Variants in JADE1 observed in about 807,000 individuals in gnomAD.
JADE1 encodes jade family PHD finger 1, also known as protein Jade-1.
In JADE1, 14 loss-of-function variants were observed where a neutral mutation model predicts 81.8. The observed-to-expected ratio is 0.17, with a 90% CI of 0.11 to 0.27. The LOEUF is 0.27. JADE1 is among the 10% of genes least tolerant of loss of function. The pLI is 1.00. For synonymous variants in JADE1, 353 were observed against 391.9 expected (o/e 0.90, Z 1.17); for missense variants, 690 against 1,047.9 (o/e 0.66, Z 4.71).
chr4:128,836,817 C>T (rs572267710), intron 2 of JADE1, among the ~76,000 whole-genome samples: 8 of 151,326 alleles, frequency 5.3e-5, no homozygotes, highest in African/African-American at 7.3e-5. Context: ...GCTCATTGCC[C>T]GCTCAGCTCA....
chr4:128,826,599 G>A (rs943961094), intron 1 of JADE1, among the ~76,000 whole-genome samples: 3 of 151,150 alleles, frequency 2.0e-5, no homozygotes, highest in African/African-American at 7.3e-5. Context: ...CGAACTCCAG[G>A]CTTCACATAG....
At chr4:128,839,563 C>G (rs192446754) in intron 2 of JADE1, among the ~76,000 whole-genome samples, 15 of 152,310 alleles carry the variant, frequency 9.8e-5, no homozygotes, top group Admixed American at 2.0e-4. Flanking sequence ...TTCCCTCCCA[C>G]TTTTCTCTAG....
At chr4:128,831,478 T>A (rs1728546298) in intron 1 of JADE1, 1 of 481,020 alleles carries the variant, frequency 2.1e-6, no homozygotes, top group African/African-American at 2.0e-5. Flanking sequence ...CACAGGAATA[T>A]AGAAAGAAAC....
intron 10 of JADE1, among the ~76,000 whole-genome samples, chr4:128,868,545 G>C (rs1435026496): frequency 1.3e-5 from 2 of 152,064 alleles, no homozygotes; most frequent in Admixed American, 1.3e-4. Context: ...ATTGCCCTGG[G>C]CTAGGCAAAC....
chr4:128,830,750 C>G (rs1265048747), intron 1 of JADE1, among the ~76,000 whole-genome samples: 1 of 152,162 alleles, frequency 6.6e-6, no homozygotes, highest in African/African-American at 2.4e-5. Context: ...TTTGGAAAAG[C>G]TTTTTGTATT....
intron 6 of JADE1, among the ~76,000 whole-genome samples, chr4:128,855,048 G>A (rs963443023): frequency 1.3e-5 from 2 of 152,122 alleles, no homozygotes; most frequent in Admixed American, 1.3e-4. Flanking sequence ...CACTGGGAGA[G>A]TGCTGGGATC....
At chr4:128,862,405 C>T (rs571574719) in intron 9 of JADE1, 180 bp downstream of exon 9, 15 of 1,417,574 alleles carry the variant, frequency 1.1e-5, no homozygotes, top group African/African-American at 1.4e-5. Flanking sequence ...TACATATGTG[C>T]AAAACTGCTA....
At chr4:128,835,932 A>C (rs1170626637) in intron 2 of JADE1, among the ~76,000 whole-genome samples, 3 of 152,174 alleles carry the variant, frequency 2.0e-5, no homozygotes, top group Non-Finnish European at 4.4e-5. Context: ...TCATAGTTGA[A>C]GCCTTTCTCC....
chr4:128,860,906 T>G (rs190627875), intron 8 of JADE1, among the ~76,000 whole-genome samples: 69 of 152,312 alleles, frequency 4.5e-4, no homozygotes, highest in Middle Eastern at 3.4e-3. Flanking sequence ...GAGCCCTCCA[T>G]GCATCTGGTG....
Position 128,861,837 on chromosome 4 carries a change from G to C in JADE1, c.1115G>C (p.Arg372Thr). The change falls in exon 9 of 11, where the codon AGG (arginine) becomes ACG (threonine). Residue 372 changes from arginine to threonine, a missense_variant. By Grantham distance (71) the Arg-to-Thr change is moderately conservative (BLOSUM62 -1). Transcript: ENST00000226319. ...TATTGCCCAAAGCACAGCTCACATA[G>C]GAAACCCGAGGAGAGTCTTGGCAAG... is the stretch of plus-strand genomic sequence containing the variant. ...KSYCPKHSSH[R>T]KPEESLGKGA... The C allele has an allele frequency of 6.2e-7, 1 of 1,614,206 alleles. No individual in the cohort carries two copies. Among genetic ancestry groups the C allele is most frequent in the Non-Finnish European group, 8.5e-7 (1 of 1,180,028 alleles).
chr4:128,823,036 T>G (rs146669538), intron 1 of JADE1, among the ~76,000 whole-genome samples: 1 of 152,280 alleles, frequency 6.6e-6, no homozygotes, highest in African/African-American at 2.4e-5. Context: ...TAGATGGAAA[T>G]AAGGATAAAA....
At chr4:128,864,505 C>G (rs1195868465) in intron 9 of JADE1, 15 of 985,202 alleles carry the variant, frequency 1.5e-5, no homozygotes, top group Non-Finnish European at 1.6e-5. Flanking sequence ...TGCCATGATG[C>G]CTGTGATGGT....
chr4:128,828,431 T>C lies in JADE1; in HGVS notation c.-26-3302T>C, dbSNP rs1261050757. 2.6e-5 allele frequency among the ~76,000 whole-genome samples: 4 copies of C among 152,076 alleles called. No individual in the cohort carries two copies. In the South Asian group the frequency reaches 8.3e-4, roughly 31 times the overall value. On this transcript the variant is annotated intron_variant, in intron 1 of 10. Transcript: ENST00000226319. ...ATACAGTAAGTCATCCTGGGTGAGATAAATCAGCTTGATGTCAAGGTTTAA... is the reference window on the plus strand; with the variant it reads ...ATACAGTAAGTCATCCTGGGTGAGACAAATCAGCTTGATGTCAAGGTTTAA...
At chr4:128,817,150 G>C (rs1727115211) in intron 1 of JADE1, among the ~76,000 whole-genome samples, 1 of 152,034 alleles carries the variant, frequency 6.6e-6, no homozygotes, top group South Asian at 2.1e-4. Context: ...GAACCACCAT[G>C]ACTGGCCAGT....
intron 10 of JADE1, among the ~76,000 whole-genome samples, chr4:128,869,072 C>T (rs565614446): frequency 3.9e-5 from 6 of 151,952 alleles, no homozygotes; most frequent in Non-Finnish European, 8.8e-5. Context: ...CAATTATGTG[C>T]GACTAGAGGG....
chr4:128,844,258 G>A (rs1729684132), intron 3 of JADE1, among the ~76,000 whole-genome samples: 1 of 152,074 alleles, frequency 6.6e-6, no homozygotes, highest in Admixed American at 6.5e-5. Flanking sequence ...GGTGTAGTTC[G>A]AAACCTACTT....
chr4:128,869,818 G>T (rs185680848), intron 10 of JADE1, among the ~76,000 whole-genome samples: 1 of 152,264 alleles, frequency 6.6e-6, no homozygotes, highest in African/African-American at 2.4e-5. Flanking sequence ...ATTCTGTTGA[G>T]TAATGCAGTT....
chr4:128,831,562 A>G (rs1276374828), intron 1 of JADE1, 171 bp from the exon 2 acceptor site: 4 of 579,274 alleles, frequency 6.9e-6, no homozygotes, highest in Non-Finnish European at 1.2e-5. Context: ...TGGTTTGTTA[A>G]TGATTGCACC....
chr4:128,852,491 A>G lies in JADE1; in HGVS notation c.696+223A>G, dbSNP rs562397471. On this transcript the variant is annotated intron_variant, in intron 6 of 10. Transcript: ENST00000226319. ...CAGAAGGATAGCACCCTCTGTGGAA[A>G]TCGTCTTTCTTCACAGTGTTTTATT... is the stretch of plus-strand genomic sequence containing the variant. Among the ~76,000 whole-genome samples the G allele has an allele frequency of 7.9e-5, 12 of 152,370 alleles. No individual in the cohort carries two copies. In the East Asian group the frequency reaches 1.9e-3, roughly 24 times the overall value.
Sources: allele counts gnomAD v4.1 joint callset (sites outside exome capture counted in the v4.1 genomes callset), GRCh38; gene constraint gnomAD v4.1.1; transcripts MANE v1.5; gene names NCBI Gene and HGNC (gene_info 2026-07-23, HGNC 2026-07-21).